SPATA13: variants seen among roughly 807,000 people sequenced by gnomAD.
SPATA13 encodes spermatogenesis-associated protein 13.
SPATA13 carries 50 observed loss-of-function variants against 104.0 expected under a neutral mutation model. The observed-to-expected ratio is 0.48, with a 90% CI of 0.38 to 0.61. SPATA13 has a LOEUF of 0.61. SPATA13 is among the 20% of genes least tolerant of loss of function. The probability of loss-of-function intolerance (pLI) is 0.00; values close to 1 mark genes in which losing one functional copy is unlikely to be tolerated. For missense variants in SPATA13, 1,524 were observed against 1,690.6 expected (o/e 0.90, Z 1.73); for synonymous variants, 606 against 667.5 (o/e 0.91, Z 1.42).
chr13:24,289,882 C>T (rs565334467), intron 8 of SPATA13, among the ~76,000 whole-genome samples: 1 of 152,348 alleles, frequency 6.6e-6, no homozygotes, highest in South Asian at 2.1e-4. Flanking sequence ...CACACCTTCA[C>T]TTCCTGGGTG....
chr13:24,177,558 CA>C (rs1466525000), intron 1 of SPATA13, among the ~76,000 whole-genome samples: 1 of 152,218 alleles, frequency 6.6e-6, no homozygotes, highest in African/African-American at 2.4e-5. Flanking sequence ...CTCCTGGGCT[CA>C]AGTGATTCTC....
exon 3 of SPATA13, chr13:24,017,688 G>C: frequency 1.0e-6 from 1 of 985,308 alleles, no homozygotes; most frequent in Non-Finnish European, 1.2e-6. Context: ...AAGAGTAGCT[G>C]GTGCAGAAAC....
intron 3 of SPATA13, among the ~76,000 whole-genome samples, chr13:24,128,001 C>A (rs1344103696): frequency 6.6e-6 from 1 of 152,228 alleles, no homozygotes; most frequent in Non-Finnish European, 1.5e-5. Flanking sequence ...CAAGGGCTAA[C>A]CCATGTGCCA....
At chr13:24,014,911 G>A (rs1186371540) in intron 2 of SPATA13, among the ~76,000 whole-genome samples, 2 of 65,316 alleles carry the variant, frequency 3.1e-5, no homozygotes, top group Non-Finnish European at 6.5e-5. Flanking sequence ...TTTTTTTTGA[G>A]ACAGAGTCTC....
intron 1 of SPATA13, among the ~76,000 whole-genome samples, chr13:23,982,213 A>T (rs771290840): frequency 5.9e-5 from 9 of 152,206 alleles, no homozygotes; most frequent in Non-Finnish European, 1.3e-4. Flanking sequence ...CACATTAGAG[A>T]GGTCATAGGA....
chr13:23,996,739 G>A (rs1425245262), intron 2 of SPATA13, among the ~76,000 whole-genome samples: 2 of 152,228 alleles, frequency 1.3e-5, no homozygotes, highest in African/African-American at 4.8e-5. Flanking sequence ...TATGTGAGGA[G>A]GCAGCTTTAG....
intron 3 of SPATA13, among the ~76,000 whole-genome samples, chr13:24,114,549 A>G (rs558378236): frequency 1.3e-5 from 2 of 152,112 alleles, no homozygotes; most frequent in South Asian, 2.1e-4. Context: ...ACATTGATTC[A>G]AGGCTGTCAT....
intron 2 of SPATA13, among the ~76,000 whole-genome samples, chr13:24,229,697 G>T (rs146027292): frequency 1.3e-5 from 2 of 152,094 alleles, no homozygotes; most frequent in African/African-American, 4.8e-5. Context: ...TTGACATCAT[G>T]CTACTTAAAA....
At chr13:24,227,940 T>A (rs1277485384) in intron 2 of SPATA13, among the ~76,000 whole-genome samples, 2 of 151,750 alleles carry the variant, frequency 1.3e-5, no homozygotes, top group East Asian at 3.9e-4. Flanking sequence ...TTTCACTCAC[T>A]CTGTCACCAG....
intron 7 of SPATA13, 140 bp downstream of exon 7, chr13:24,287,090 ACTG>A: frequency 1.4e-6 from 1 of 694,948 alleles, no homozygotes; most frequent in Non-Finnish European, 2.3e-6. Context: ...TGCTGTCTGC[ACTG>A]CTAAGTCTGA....
chr13:23,996,780 C>T (rs74039551), intron 2 of SPATA13, among the ~76,000 whole-genome samples: 2,326 of 152,320 alleles, frequency 0.015, 21 homozygotes, highest in Middle Eastern at 0.034. Flanking sequence ...AGGCTGCCAG[C>T]GTTCCTTGGC....
At chr13:24,171,076 A>T (rs1882947652) in intron 1 of SPATA13, among the ~76,000 whole-genome samples, 1 of 151,858 alleles carries the variant, frequency 6.6e-6, no homozygotes. Flanking sequence ...CAGAAGGAAG[A>T]CAATTTGCAT....
At chr13:24,038,271 A>G (rs1463533719) in intron 3 of SPATA13, among the ~76,000 whole-genome samples, 1 of 152,174 alleles carries the variant, frequency 6.6e-6, no homozygotes, top group Admixed American at 6.5e-5. Flanking sequence ...TTTTAAACCC[A>G]ATATCTGCTA....
rs1316303036 is a variant in SPATA13 at position 24,189,855 on chromosome 13, A to T, written c.-112+28923A>T. 1.2e-3 allele frequency among the ~76,000 whole-genome samples: 41 copies of T among 33,028 alleles called. 11 individuals are homozygous for T. Among genetic ancestry groups the T allele is most frequent in the Non-Finnish European group, 1.9e-3 (21 of 11,308 alleles). The allele number at this position is 33,028 out of a possible 152,430, so 21.7% of individuals were successfully genotyped here. ...AAATGATATTTAATATATTATATTAATATATCATATATAATATAATTATAT... is the reference window on the plus strand; with the variant it reads ...AAATGATATTTAATATATTATATTATTATATCATATATAATATAATTATAT... On this transcript the variant is annotated intron_variant, in intron 1 of 12. Transcript: ENST00000382108.
Position 24,079,540 on chromosome 13 carries a change from G to C in SPATA13, c.-112+61839G>C, listed in dbSNP as rs1357702269. On this transcript the variant is annotated intron_variant, in intron 3 of 14. Transcript: ENST00000424834. ...TTCAGAGTCTTGTCTAGAAGTTTCA[G>C]CTGATGATCCCGACCTGAGACTAGG... Among the ~76,000 whole-genome samples the C allele has an allele frequency of 3.9e-5, 6 of 152,170 alleles. No homozygotes were observed. The East Asian group carries it at 7.7e-4, about 20-fold the overall frequency.
intron 1 of SPATA13, among the ~76,000 whole-genome samples, chr13:24,213,676 T>A (rs1284433511): frequency 6.6e-6 from 1 of 152,228 alleles, no homozygotes; most frequent in African/African-American, 2.4e-5. Flanking sequence ...TTCATAGAAG[T>A]ATGACTTCAT....
rs1031641846 is a variant in SPATA13, at chr13:24,304,145, A to G, written c.*1372A>G. 3.9e-5 allele frequency: 6 copies of G among 152,194 alleles called. No homozygotes were observed. Among genetic ancestry groups the G allele is most frequent in the African/African-American group, 7.2e-5 (3 of 41,450 alleles). 9.4% of individuals were successfully genotyped at this position (152,194 alleles called of 1,614,324 possible). Reference sequence around the variant, plus strand: ...ATATAAAGCCAAACAGGGCATAACCATGTCACGTGAGCATGTCATCAGGCT... The same window carrying G: ...ATATAAAGCCAAACAGGGCATAACCGTGTCACGTGAGCATGTCATCAGGCT... On this transcript the variant is annotated 3_prime_UTR_variant, in exon 13 of 13. Coordinates refer to ENST00000382108, the MANE Select transcript of SPATA13 (RefSeq NM_001166271.3).
At chr13:23,980,490 A>G (rs902776894) in intron 1 of SPATA13, among the ~76,000 whole-genome samples, 2 of 152,210 alleles carry the variant, frequency 1.3e-5, no homozygotes, top group African/African-American at 4.8e-5. Flanking sequence ...TAGGGAATAA[A>G]CTATCACCTA....
intron 3 of SPATA13, among the ~76,000 whole-genome samples, chr13:24,147,029 A>G (rs1313553542): frequency 6.6e-6 from 1 of 152,188 alleles, no homozygotes; most frequent in East Asian, 1.9e-4. Flanking sequence ...TCATTGCCCA[A>G]TAGGCCTCTG....
Sources: allele counts gnomAD v4.1 joint callset (sites outside exome capture counted in the v4.1 genomes callset), GRCh38; gene constraint gnomAD v4.1.1; transcripts MANE v1.5; gene names NCBI Gene and HGNC (gene_info 2026-07-23, HGNC 2026-07-21).